The following CCSER1 variants were observed in gnomAD, a reference collection of about 807,000 sequenced individuals.
CCSER1 encodes serine-rich coiled-coil domain-containing protein 1.
CCSER1 carries 41 observed loss-of-function variants against 82.0 expected under a neutral mutation model. The ratio of observed to expected loss-of-function variants is 0.50; its 90% CI spans 0.39 to 0.65. The LOEUF is 0.65. Among genes scored for constraint, CCSER1 ranks in the 30% least tolerant of loss-of-function variants. CCSER1 has a pLI of 0.00. For missense variants in CCSER1, 1,119 were observed against 1,064.2 expected (o/e 1.05, Z -0.72); for synonymous variants, 414 against 383.9 (o/e 1.08, Z -0.92).
chr4:90,725,691 G>A (rs1743505001), intron 7 of CCSER1, among the ~76,000 whole-genome samples: 1 of 151,450 alleles, frequency 6.6e-6, no homozygotes, highest in South Asian at 2.1e-4. Flanking sequence ...AATACTTAAT[G>A]TTACATAAAC....
intron 10 of CCSER1, among the ~76,000 whole-genome samples, chr4:91,116,395 A>G (rs1726602506): frequency 6.6e-6 from 1 of 152,190 alleles, no homozygotes; most frequent in Non-Finnish European, 1.5e-5. Flanking sequence ...AGGAGAGCCT[A>G]GTGATGAGAG....
intron 4 of CCSER1, among the ~76,000 whole-genome samples, chr4:90,418,390 A>G (rs1756137953): frequency 6.6e-6 from 1 of 152,048 alleles, no homozygotes; most frequent in Admixed American, 6.6e-5. Flanking sequence ...GAATTTCTCA[A>G]ATTTTAAGTA....
At chr4:90,761,368 T>C (rs966720526) in intron 7 of CCSER1, among the ~76,000 whole-genome samples, 2 of 152,146 alleles carry the variant, frequency 1.3e-5, no homozygotes, top group Non-Finnish European at 2.9e-5. Context: ...TCTTTAAGTC[T>C]TCCTTAGCAA....
intron 8 of CCSER1, among the ~76,000 whole-genome samples, chr4:90,873,557 T>G (rs1452864953): frequency 6.6e-6 from 1 of 152,104 alleles, no homozygotes; most frequent in African/African-American, 2.4e-5. Context: ...GATCTGTAAT[T>G]GTAAACAAAT....
At chr4:91,083,352 A>T (rs1210300759) in intron 9 of CCSER1, among the ~76,000 whole-genome samples, 1 of 152,080 alleles carries the variant, frequency 6.6e-6, no homozygotes, top group Non-Finnish European at 1.5e-5. Context: ...ATAGGTGGGA[A>T]TTGAACAATA....
intron 10 of CCSER1, among the ~76,000 whole-genome samples, chr4:91,406,724 C>T (rs1346764974): frequency 1.3e-5 from 2 of 152,112 alleles, no homozygotes; most frequent in East Asian, 3.8e-4. Flanking sequence ...ATCTTCATGA[C>T]TGTACAACAT....
At chr4:91,066,932 G>T (rs1043272520) in intron 9 of CCSER1, among the ~76,000 whole-genome samples, 8 of 151,886 alleles carry the variant, frequency 5.3e-5, no homozygotes, top group African/African-American at 1.9e-4. Context: ...TTGGAAGGCT[G>T]AGGCGGGCAG....
intron 1 of CCSER1, among the ~76,000 whole-genome samples, chr4:90,151,494 G>T (rs1268268232): frequency 6.6e-6 from 1 of 151,736 alleles, no homozygotes; most frequent in Non-Finnish European, 1.5e-5. Context: ...ATCAAATGTG[G>T]ATATTCAAGC....
intron 1 of CCSER1, among the ~76,000 whole-genome samples, chr4:90,133,826 T>C (rs2153319432): frequency 6.6e-6 from 1 of 152,332 alleles, no homozygotes; most frequent in African/African-American, 2.4e-5. Flanking sequence ...TATTGCTTCA[T>C]CAGTGTTAGC....
At position 90,852,852 on chromosome 4, in the gene CCSER1, G is replaced by T. The variant is rs142228561; in HGVS notation, c.2094+37007G>T. ...TATAAAAGTTTTTGTATATTAAAAA[G>T]AAACTGATATCTTACTATAGAGCGA... On this transcript the variant is annotated intron_variant, in intron 8 of 10. Transcript: ENST00000509176. 2.0e-5 allele frequency among the ~76,000 whole-genome samples: 3 copies of T among 152,188 alleles called. No homozygotes were observed. The East Asian group carries it at 5.8e-4, about 29-fold the overall frequency.
chr4:90,611,239 A>G (rs1450464918), intron 5 of CCSER1, among the ~76,000 whole-genome samples: 1 of 151,834 alleles, frequency 6.6e-6, no homozygotes, highest in Non-Finnish European at 1.5e-5. Context: ...AAGCTGTCAA[A>G]TGACAAAATT....
chr4:90,465,320 CTTTTT>C (rs1157811263), intron 4 of CCSER1, among the ~76,000 whole-genome samples: 2 of 131,954 alleles, frequency 1.5e-5, no homozygotes, highest in Non-Finnish European at 1.6e-5. Context: ...TTTCCGTGTT[CTTTTT>C]TTTTTTTTTT....
chr4:91,177,298 T>TG (rs1196593208), intron 10 of CCSER1, among the ~76,000 whole-genome samples: 1 of 152,236 alleles, frequency 6.6e-6, no homozygotes, highest in Admixed American at 6.5e-5. Flanking sequence ...GCTGTGTCTC[T>TG]GCCAGGCTTT....
chr4:90,879,537 GAAGAAA>G (rs1275625998), intron 8 of CCSER1, among the ~76,000 whole-genome samples: 5,876 of 137,976 alleles, frequency 0.043, 123 homozygotes, highest in Middle Eastern at 0.059. Flanking sequence ...AGAGGAAGAA[GAAGAAA>G]GAAGAAGAAG....
intron 1 of CCSER1, among the ~76,000 whole-genome samples, chr4:90,211,693 A>G (rs1295543993): frequency 6.6e-6 from 1 of 152,208 alleles, no homozygotes; most frequent in Non-Finnish European, 1.5e-5. Context: ...ATTTCATTCC[A>G]TATGTGATTA....
At chr4:90,832,356 T>C (rs1433237164) in intron 8 of CCSER1, among the ~76,000 whole-genome samples, 1 of 152,082 alleles carries the variant, frequency 6.6e-6, no homozygotes, top group East Asian at 1.9e-4. Context: ...TCTGAAAATA[T>C]TTTTCTGAGC....
chr4:91,067,712 C>T (rs1311160236), intron 9 of CCSER1, among the ~76,000 whole-genome samples: 1 of 152,148 alleles, frequency 6.6e-6, no homozygotes, highest in East Asian at 1.9e-4. Context: ...AACGAAGTCC[C>T]TAAGGAGCCT....
chr4:90,815,526 A>ATGTGTGTGTGTGTGTGTGTGTG (rs113631267), intron 7 of CCSER1, among the ~76,000 whole-genome samples: 6 of 150,588 alleles, frequency 4.0e-5, no homozygotes, highest in South Asian at 2.1e-4. Flanking sequence ...GTGTGTGTGG[A>ATGTGTGTGTGTGTGTGTGTGTG]TGTGTGTGTG....
At chr4:90,612,213 T>C (rs1448420810) in intron 5 of CCSER1, among the ~76,000 whole-genome samples, 2 of 152,172 alleles carry the variant, frequency 1.3e-5, no homozygotes, top group Non-Finnish European at 2.9e-5. Flanking sequence ...AATTTTAGTT[T>C]ATAGAAAAGT....
Sources: gnomAD v4.1 joint callset for allele counts (sites outside exome capture counted in the v4.1 genomes callset) on GRCh38, gnomAD v4.1.1 for gene constraint, MANE v1.5 for transcripts, NCBI Gene and HGNC (gene_info 2026-07-23, HGNC 2026-07-21) for gene names.